Variants in UGT1A8 observed in about 807,000 individuals in gnomAD.
UGT1A8 encodes the protein UDP-glucuronosyltransferase 1A8.
UGT1A8 carries 39 observed loss-of-function variants against 45.3 expected under a neutral mutation model. The observed-to-expected ratio is 0.86, with a 90% CI of 0.67 to 1.12. The LOEUF (loss-of-function observed/expected upper bound fraction) is 1.12, where lower values mean the gene tolerates loss of function less well. Ranked by LOEUF, UGT1A8 falls within the 50% of genes most tolerant of loss-of-function variation. The probability of loss-of-function intolerance (pLI) is 0.00; values close to 1 mark genes in which losing one functional copy is unlikely to be tolerated. For synonymous variants in UGT1A8, 275 were observed against 249.2 expected (o/e 1.10, Z -0.97); for missense variants, 719 against 664.9 (o/e 1.08, Z -0.90).
chr2:233,754,979 G>C lies in UGT1A8; in HGVS notation c.856-12055G>C, dbSNP rs541611005. 93 of 1,297,796 alleles carry C rather than the reference G, an allele frequency of 7.2e-5. No homozygotes were observed. In the African/African-American group the frequency reaches 1.2e-3, roughly 17 times the overall value. The allele number at this position is 1,297,796 out of a possible 1,614,324, so 80.4% of individuals were successfully genotyped here. A position where few individuals can be genotyped will look rare whatever the true frequency, so the allele number is the denominator to read the frequency against. On this transcript the variant is annotated intron_variant, in intron 1 of 4. Coordinates refer to ENST00000373450, the MANE Select transcript of UGT1A8 (RefSeq NM_019076.5). The stretch of plus-strand genomic sequence containing the variant: ...CGCCAAAGAACTCCCTGAAGACCTC[G>C]GCGGGGTCACGGAAGCTGAAGACCT...
At chr2:233,639,827 C>G (rs1285004204) in intron 1 of UGT1A8, among the ~76,000 whole-genome samples, 2 of 152,168 alleles carry the variant, frequency 1.3e-5, no homozygotes, top group African/African-American at 2.4e-5. Context: ...TATGGTCATT[C>G]TTTTACATTT....
chr2:233,754,931 G>T, intron 1 of UGT1A8: 1 of 1,344,540 alleles, frequency 7.4e-7, no homozygotes, highest in South Asian at 1.1e-5. Context: ...TTCCCAAGAG[G>T]TCAAAGGAGA....
At chr2:233,690,467 C>T in intron 1 of UGT1A8, 1 of 1,289,274 alleles carries the variant, frequency 7.8e-7, no homozygotes, top group Non-Finnish European at 1.0e-6. Context: ...AGCTATCCTC[C>T]ATTTACTTTT....
At chr2:233,669,042 A>G (rs2125497886) in intron 1 of UGT1A8, among the ~76,000 whole-genome samples, 1 of 152,332 alleles carries the variant, frequency 6.6e-6, no homozygotes, top group East Asian at 1.9e-4. Flanking sequence ...GGAAGACCAC[A>G]AGGTAATGTG....
At position 233,728,107 on chromosome 2, in the gene UGT1A8, C is replaced by T. The variant is rs144723980; in HGVS notation, c.856-38927C>T. On this transcript the variant is annotated intron_variant, in intron 1 of 4. Transcript: ENST00000373450. ...CCTTTAGAAAGGCACATATTTAATT[C>T]TCCATCTTGAAATTTGGACTAGGGC... Among the ~76,000 whole-genome samples, 25 of 152,336 alleles carry T rather than the reference C, an allele frequency of 1.6e-4. No individual in the cohort carries two copies. In the East Asian group the frequency reaches 4.2e-3, roughly 26 times the overall value.
At chr2:233,719,288 C>T (rs1377929252) in intron 1 of UGT1A8, 12 of 1,613,978 alleles carry the variant, frequency 7.4e-6, no homozygotes, top group Non-Finnish European at 1.0e-5. Flanking sequence ...CCGTTAACCT[C>T]TGTGGGGCGG....
intron 1 of UGT1A8, among the ~76,000 whole-genome samples, chr2:233,664,057 A>G (rs1315875476): frequency 6.6e-6 from 1 of 152,178 alleles, no homozygotes; most frequent in Non-Finnish European, 1.5e-5. Flanking sequence ...TCTCAAGTTT[A>G]AAGTTCCACA....
intron 1 of UGT1A8, 143 bp downstream of exon 1, chr2:233,618,705 T>C (rs755219843): frequency 9.6e-5 from 141 of 1,470,758 alleles, no homozygotes; most frequent in Non-Finnish European, 1.2e-4. Context: ...TGTGCCAATT[T>C]ATGTACTCAT....
At chr2:233,665,148 T>C (rs1457583854) in intron 1 of UGT1A8, among the ~76,000 whole-genome samples, 1 of 152,216 alleles carries the variant, frequency 6.6e-6, no homozygotes, top group Non-Finnish European at 1.5e-5. Context: ...TTACTTTGCA[T>C]TTTTCATTTG....
chr2:233,731,462 C>T (rs1354411631), intron 1 of UGT1A8, among the ~76,000 whole-genome samples: 13 of 152,008 alleles, frequency 8.6e-5, no homozygotes, highest in African/African-American at 2.4e-4. Context: ...CAGGCCCTGG[C>T]GTGTGATGTT....
chr2:233,766,514 T>C (rs1164692574), intron 1 of UGT1A8, among the ~76,000 whole-genome samples: 2 of 152,060 alleles, frequency 1.3e-5, no homozygotes, highest in South Asian at 2.1e-4. Flanking sequence ...TTTTGGGAAA[T>C]GAAACATTTA....
chr2:233,750,227 A>G (rs977533582), intron 1 of UGT1A8, among the ~76,000 whole-genome samples: 2 of 151,900 alleles, frequency 1.3e-5, no homozygotes, highest in African/African-American at 4.9e-5. Context: ...GAGATGAGGA[A>G]CTTATTGGGA....
rs367828625 is a variant in UGT1A8, at chr2:233,628,436, T to C, written c.855+9874T>C. Among the ~76,000 whole-genome samples the C allele has an allele frequency of 4.6e-5, 7 of 152,140 alleles. No individual in the cohort carries two copies. In the East Asian group the frequency reaches 1.3e-3, roughly 29 times the overall value. On this transcript the variant is annotated intron_variant, in intron 1 of 4. Transcript: ENST00000373450. Reference sequence around the variant, plus strand: ...ACCCTACTGTTCAATGTCAACTGTATATAGAAAGAAGATTAGTTTTTAAGT... The same window carrying C: ...ACCCTACTGTTCAATGTCAACTGTACATAGAAAGAAGATTAGTTTTTAAGT...
intron 1 of UGT1A8, among the ~76,000 whole-genome samples, chr2:233,650,834 A>G (rs1334486528): frequency 6.6e-6 from 1 of 152,190 alleles, no homozygotes; most frequent in Admixed American, 6.5e-5. Context: ...GAAATTTGAA[A>G]TCCATGCTTA....
At chr2:233,679,746 C>G (rs569652766) in intron 1 of UGT1A8, among the ~76,000 whole-genome samples, 1 of 152,186 alleles carries the variant, frequency 6.6e-6, no homozygotes, top group East Asian at 1.9e-4. Context: ...GTAAAACTAG[C>G]AAACCATCCT....
intron 1 of UGT1A8, among the ~76,000 whole-genome samples, chr2:233,701,051 A>C (rs2075606914): frequency 6.6e-6 from 1 of 152,170 alleles, no homozygotes; most frequent in African/African-American, 2.4e-5. Context: ...ACATGAACTC[A>C]TAATTTTTTA....
At chr2:233,636,555 T>C in intron 1 of UGT1A8, 2 of 1,614,156 alleles carry the variant, frequency 1.2e-6, no homozygotes, top group South Asian at 1.1e-5. Flanking sequence ...GCCCCGTTCC[T>C]TTATGTGTGT....
intron 1 of UGT1A8, chr2:233,690,816 C>G: frequency 2.8e-6 from 3 of 1,075,614 alleles, no homozygotes; most frequent in African/African-American, 3.4e-5. Flanking sequence ...TTAGTACAGT[C>G]AAAGCTCACA....
At chr2:233,657,467 G>A (rs1013590899) in intron 1 of UGT1A8, among the ~76,000 whole-genome samples, 2 of 152,174 alleles carry the variant, frequency 1.3e-5, no homozygotes, top group South Asian at 4.1e-4. Flanking sequence ...AAAAGGAGGG[G>A]TTGCCAGGAT....
Sources: gnomAD v4.1 joint callset for allele counts (sites outside exome capture counted in the v4.1 genomes callset) on GRCh38, gnomAD v4.1.1 for gene constraint, MANE v1.5 for transcripts, NCBI Gene and HGNC (gene_info 2026-07-23, HGNC 2026-07-21) for gene names.